BRI3BP: variants seen among roughly 807,000 people sequenced by gnomAD.
BRI3BP encodes BRI3 binding protein, also known as BRI3-binding protein.
Under a neutral mutation model 15.8 loss-of-function variants are expected in BRI3BP, and 7 were observed. That is an observed-to-expected ratio of 0.44 (90% CI 0.25 to 0.83). The LOEUF (loss-of-function observed/expected upper bound fraction) is 0.83, where lower values mean the gene tolerates loss of function less well. Among genes scored for constraint, BRI3BP ranks in the 40% least tolerant of loss-of-function variants. The pLI, the probability that BRI3BP is intolerant of heterozygous loss-of-function variation, is 0.20. For synonymous variants in BRI3BP, 192 were observed against 163.5 expected (o/e 1.17, Z -1.33); for missense variants, 320 against 339.3 (o/e 0.94, Z 0.45).
chr12:124,996,392 G>A (rs532499885), intron 1 of BRI3BP, among the ~76,000 whole-genome samples: 1 of 152,288 alleles, frequency 6.6e-6, no homozygotes, highest in Admixed American at 6.5e-5. Context: ...GGCAACGTCT[G>A]CCTCCTGGGC....
intron 2 of BRI3BP, among the ~76,000 whole-genome samples, chr12:125,019,068 G>C (rs1465732736): frequency 6.6e-6 from 1 of 152,138 alleles, no homozygotes; most frequent in East Asian, 1.9e-4. Context: ...ATGTTGGCCA[G>C]GCTGGTCTCG....
chr12:125,037,822 A>AAAAAG, the BRI3BP span, among the ~76,000 whole-genome samples: 1 of 152,080 alleles, frequency 6.6e-6, no homozygotes, highest in African/African-American at 2.4e-5. Context: ...AAAAAAAAAA[A>AAAAAG]AAAAGAAAAG....
Position 124,993,973 on chromosome 12 carries a change from C to T in BRI3BP, c.183C>T (p.Phe61=), listed in dbSNP as rs761065540. 2 of 1,358,968 alleles carry T rather than the reference C, an allele frequency of 1.5e-6. No homozygotes were observed. The highest frequency in any genetic ancestry group is 9.6e-7 in the Non-Finnish European group (1 of 1,040,464). 84.2% of individuals were successfully genotyped at this position (1,358,968 alleles called of 1,614,324 possible). The change falls in exon 1 of 3, where the codon TTC becomes TTT. Residue 61 remains phenylalanine (F), a synonymous_variant. Coordinates refer to ENST00000341446, the MANE Select transcript of BRI3BP (RefSeq NM_080626.6). ...TCTCCCAGAGCGTCAGCAGCCTGTT[C>T]GGCGAGGACAACGTGCGCGCCGCTC... The part of the protein sequence containing the change: ...NTFSQSVSSL[F]GEDNVRAAQK...
rs138493092 is a variant in BRI3BP at position 125,015,744 on chromosome 12, C to G, written c.316+3108C>G. On this transcript the variant is annotated intron_variant, in intron 2 of 2. Transcript: ENST00000341446. ...TTCATTGAGTTCAACCTTTAAGAGGCCTTAGGCCAACTCAGTCACCTCACT... is the reference window on the plus strand; with the variant it reads ...TTCATTGAGTTCAACCTTTAAGAGGGCTTAGGCCAACTCAGTCACCTCACT... Among the ~76,000 whole-genome samples the G allele has an allele frequency of 1.8e-4, 28 of 152,332 alleles. No homozygotes were observed. The East Asian group carries it at 5.2e-3, about 28-fold the overall frequency.
At chr12:125,047,316 T>A in the BRI3BP span, among the ~76,000 whole-genome samples, 1 of 151,752 alleles carries the variant, frequency 6.6e-6, no homozygotes, top group African/African-American at 2.4e-5. Context: ...GCCCGGCTAA[T>A]TTTTTGTATT....
At chr12:125,017,353 C>G (rs911926518) in intron 2 of BRI3BP, among the ~76,000 whole-genome samples, 7 of 150,822 alleles carry the variant, frequency 4.6e-5, no homozygotes, top group African/African-American at 1.7e-4. Context: ...TGGGGTTTTG[C>G]CATGTTGCCC....
chr12:125,043,784 A>G, the BRI3BP span, among the ~76,000 whole-genome samples: 1 of 152,194 alleles, frequency 6.6e-6, no homozygotes, highest in Non-Finnish European at 1.5e-5. Flanking sequence ...GGAACCCAGG[A>G]GGTGGAGGTT....
intron 1 of BRI3BP, among the ~76,000 whole-genome samples, chr12:125,003,719 G>A (rs1210321057): frequency 7.9e-5 from 12 of 152,146 alleles, no homozygotes; most frequent in African/African-American, 2.4e-4. Context: ...TTGGGAGGCC[G>A]AGGCGGGTGG....
intron 2 of BRI3BP, among the ~76,000 whole-genome samples, chr12:125,017,232 C>G (rs1353892367): frequency 1.3e-5 from 2 of 151,454 alleles, no homozygotes. Flanking sequence ...CCATCTTGGC[C>G]AGGGTATTCT....
rs781772728 is a variant in BRI3BP at position 125,025,692 on chromosome 12, T to C, written c.*262T>C. The stretch of plus-strand genomic sequence containing the variant: ...TTTAAACAAAGGATATAACCATATT[T>C]AGTTGTACAGTAAGAGAAATTTATC... On this transcript the variant is annotated 3_prime_UTR_variant, in exon 3 of 3. Coordinates refer to ENST00000341446, the MANE Select transcript of BRI3BP (RefSeq NM_080626.6). 66 of 436,138 alleles carry C rather than the reference T, an allele frequency of 1.5e-4. No homozygotes were observed. The highest frequency in any genetic ancestry group is 2.3e-4 in the Non-Finnish European group (58 of 247,146). The allele number at this position is 436,138 out of a possible 1,614,324, so 27.0% of individuals were successfully genotyped here.
intron 1 of BRI3BP, among the ~76,000 whole-genome samples, chr12:125,007,510 A>G (rs959265753): frequency 3.9e-5 from 6 of 152,096 alleles, no homozygotes; most frequent in African/African-American, 1.4e-4. Context: ...GATGGCGCTA[A>G]TGCACTGTAG....
In BRI3BP at chr12:125,025,331, C is replaced by T; in HGVS notation, c.657C>T (p.Ser219=). ...PSGPSNPSNP[S]VEEKLEHLEK... ...GCCCCAGCAACCCCAGCAACCCCAG[C>T]GTGGAGGAGAAGCTGGAGCACCTGG... The change falls in exon 3 of 3, where the codon AGC becomes AGT. Residue 219 remains serine (S), a synonymous_variant. Transcript: ENST00000341446. 6.2e-7 allele frequency: 1 copy of T among 1,613,472 alleles called. No individual in the cohort carries two copies. Among genetic ancestry groups the T allele is most frequent in the Non-Finnish European group, 8.5e-7 (1 of 1,179,820 alleles).
chr12:125,045,479 C>T, the BRI3BP span, among the ~76,000 whole-genome samples: 15 of 152,236 alleles, frequency 9.9e-5, no homozygotes, highest in East Asian at 1.9e-3. Flanking sequence ...GGATTACAGG[C>T]GGCATCATCA....
At chr12:125,009,339 G>T (rs1955175989) in intron 1 of BRI3BP, among the ~76,000 whole-genome samples, 1 of 142,454 alleles carries the variant, frequency 7.0e-6, no homozygotes, top group African/African-American at 2.6e-5. Flanking sequence ...ACCCAGGCTG[G>T]AGTGCAGTGG....
intron 2 of BRI3BP, among the ~76,000 whole-genome samples, chr12:125,024,164 A>G (rs185227264): frequency 3.3e-5 from 5 of 152,304 alleles, no homozygotes; most frequent in Admixed American, 3.3e-4. Flanking sequence ...CAGAAGGCAA[A>G]GGAGAAGCAA....
At position 125,010,411 on chromosome 12, in the gene BRI3BP, C is replaced by T. The variant is rs118175201; in HGVS notation, c.214-2123C>T. On this transcript the variant is annotated intron_variant, in intron 1 of 2. Coordinates refer to ENST00000341446, the MANE Select transcript of BRI3BP (RefSeq NM_080626.6). ...TGAGGTTATTGGCATTTTCTACTCT[C>T]CTGGTCCCTGATTCAGCCCTGCTCT... Among the ~76,000 whole-genome samples, 38 of 152,290 alleles carry T rather than the reference C, an allele frequency of 2.5e-4. No homozygotes were observed. In the East Asian group the frequency reaches 6.0e-3, roughly 24 times the overall value.
At chr12:125,000,480 A>AT (rs199891073) in intron 1 of BRI3BP, among the ~76,000 whole-genome samples, 1 of 151,058 alleles carries the variant, frequency 6.6e-6, no homozygotes, top group Non-Finnish European at 1.5e-5. Context: ...CGCCCGGCTA[A>AT]TTTTTTGTAT....
chr12:125,008,488 A>G (rs549924421), intron 1 of BRI3BP, among the ~76,000 whole-genome samples: 1 of 150,908 alleles, frequency 6.6e-6, no homozygotes, highest in South Asian at 2.1e-4. Context: ...AATTTTTTGT[A>G]TTTTTAGTAG....
downstream of BRI3BP, among the ~76,000 whole-genome samples, chr12:125,034,668 C>A (rs1001055967): frequency 5.9e-5 from 9 of 151,916 alleles, no homozygotes; most frequent in Non-Finnish European, 1.3e-4. Context: ...TGGCTCAGTG[C>A]AACCTCTGCC....
Sources: gnomAD v4.1 joint callset for allele counts (sites outside exome capture counted in the v4.1 genomes callset) on GRCh38, gnomAD v4.1.1 for gene constraint, MANE v1.5 for transcripts, NCBI Gene and HGNC (gene_info 2026-07-23, HGNC 2026-07-21) for gene names.